The following RUFY4 variants were observed in gnomAD, a reference collection of about 807,000 sequenced individuals.
RUFY4 encodes the protein RUN and FYVE domain-containing protein 4.
Under a neutral mutation model 69.0 loss-of-function variants are expected in RUFY4, and 73 were observed. The observed-to-expected ratio is 1.06, with a 90% CI of 0.88 to 1.29. The LOEUF is 1.29. Ranked by LOEUF, RUFY4 falls within the 50% of genes most tolerant of loss-of-function variation. The pLI is 0.00. For missense variants in RUFY4, 770 were observed against 705.6 expected (o/e 1.09, Z -1.03); for synonymous variants, 287 against 271.8 (o/e 1.06, Z -0.55).
intron 2 of RUFY4, among the ~76,000 whole-genome samples, chr2:218,053,494 C>A (rs930353947): frequency 2.9e-4 from 44 of 151,840 alleles, no homozygotes; most frequent in African/African-American, 9.7e-4. Flanking sequence ...TACAGGCATG[C>A]GCCACCACAC....
chr2:218,089,866 A>G (rs761444263), intron 10 of RUFY4, 86 bp from the exon 13 acceptor site: 2 of 892,420 alleles, frequency 2.2e-6, no homozygotes, highest in Non-Finnish European at 1.8e-6. Flanking sequence ...GGACCTGAAG[A>G]TGCTGGAACT....
intron 8 of RUFY4, among the ~76,000 whole-genome samples, chr2:218,079,507 G>A (rs1041529837): frequency 5.3e-5 from 8 of 152,170 alleles, no homozygotes; most frequent in Non-Finnish European, 7.3e-5. Flanking sequence ...AACACGTTAC[G>A]TTTGAGATAC....
At chr2:218,070,397 C>T (rs1689456484), upstream of RUFY4, 3 of 621,982 alleles carry the variant, frequency 4.8e-6, no homozygotes, top group Non-Finnish European at 8.7e-6. Context: ...CGGTGGAGGC[C>T]ACACCATCAT....
intron 2 of RUFY4, among the ~76,000 whole-genome samples, chr2:218,053,666 C>T (rs531576332): frequency 1.3e-5 from 2 of 152,292 alleles, no homozygotes; most frequent in South Asian, 2.1e-4. Context: ...TCTGCCACCG[C>T]GCCCGGCTAA....
rs571467876 is a variant in RUFY4 at position 218,074,536 on chromosome 2, G to A, written c.601-557G>A. Among the ~76,000 whole-genome samples, 3 of 152,102 alleles carry A rather than the reference G, an allele frequency of 2.0e-5. No individual in the cohort carries two copies. The East Asian group carries it at 5.8e-4, about 29-fold the overall frequency. ...TACTATTAGTTCTCTGGTCCGAAAAGTTCAGGGTCTCTTCATGGAGATATA... is the reference window on the plus strand; with the variant it reads ...TACTATTAGTTCTCTGGTCCGAAAAATTCAGGGTCTCTTCATGGAGATATA... On this transcript the variant is annotated intron_variant, in intron 6 of 10. Coordinates refer to ENST00000344321, the Ensembl canonical transcript of RUFY4.
At chr2:218,071,969 A>C (rs1689498814) in intron 2 of RUFY4, among the ~76,000 whole-genome samples, 1 of 152,186 alleles carries the variant, frequency 6.6e-6, no homozygotes, top group Non-Finnish European at 1.5e-5. Context: ...GGAAAGGATG[A>C]GTAGGTGTCT....
chr2:218,037,070 G>A (rs895627340), intron 2 of RUFY4, among the ~76,000 whole-genome samples: 7 of 152,206 alleles, frequency 4.6e-5, no homozygotes, highest in East Asian at 1.9e-4. Flanking sequence ...TGTAATCCCA[G>A]CACTTTGGGA....
chr2:218,050,416 T>C (rs1389557093), intron 2 of RUFY4, among the ~76,000 whole-genome samples: 1 of 152,094 alleles, frequency 6.6e-6, no homozygotes, highest in Non-Finnish European at 1.5e-5. Context: ...GAAAGAGCTG[T>C]AACCCTCCCT....
chr2:218,073,955 A>C, intron 6 of RUFY4, 70 bp downstream of exon 8: 1 of 1,472,254 alleles, frequency 6.8e-7, no homozygotes. Flanking sequence ...GTTGAGTAGA[A>C]ACTGAGCTTC....
intron 5 of RUFY4, 88 bp from the exon 8 acceptor site, chr2:218,073,728 C>G (rs1559433172): frequency 7.1e-7 from 1 of 1,405,624 alleles, no homozygotes; most frequent in Non-Finnish European, 9.9e-7. Context: ...GATGAATGCG[C>G]TAGTGGAAAG....
chr2:218,075,604 T>C (rs1689610292), exon 7 of RUFY4: 1 of 1,523,918 alleles, frequency 6.6e-7, no homozygotes, highest in Non-Finnish European at 8.8e-7. Context: ...TCTAGCATCC[T>C]GGGGGAGCCC....
At chr2:218,058,687 T>G (rs551863429) in intron 3 of RUFY4, 1 of 152,292 alleles carries the variant, frequency 6.6e-6, no homozygotes, top group Non-Finnish European at 1.5e-5. Flanking sequence ...GGAAGGTCAG[T>G]GCAAGGTGCC....
At chr2:218,052,839 T>C (rs995188752) in intron 2 of RUFY4, among the ~76,000 whole-genome samples, 1 of 54,518 alleles carries the variant, frequency 1.8e-5, no homozygotes, top group South Asian at 1.3e-3. Context: ...AGGTCTAAGG[T>C]TTTTTTTTTC....
intron 2 of RUFY4, among the ~76,000 whole-genome samples, chr2:218,071,214 T>C (rs781362533): frequency 2.0e-5 from 3 of 152,190 alleles, no homozygotes; most frequent in Non-Finnish European, 4.4e-5. Flanking sequence ...TTGCTATGTG[T>C]CAGACTTCAG....
chr2:218,076,376 G>A (rs1689630601), intron 7 of RUFY4, 51 bp from the exon 10 acceptor site: 1 of 1,539,242 alleles, frequency 6.5e-7, no homozygotes, highest in Non-Finnish European at 8.8e-7. Context: ...CCAGCACTGG[G>A]GTCTCTGCCC....
intron 2 of RUFY4, among the ~76,000 whole-genome samples, chr2:218,072,118 A>C (rs1233063746): frequency 6.6e-6 from 1 of 152,188 alleles, no homozygotes; most frequent in African/African-American, 2.4e-5. Context: ...GTATCCCCAG[A>C]CACACAGAGG....
intron 2 of RUFY4, among the ~76,000 whole-genome samples, chr2:218,040,973 A>T (rs760185113): frequency 1.3e-5 from 2 of 151,880 alleles, no homozygotes; most frequent in Non-Finnish European, 2.9e-5. Context: ...CCTTACAACC[A>T]ATCTGAATAG....
At chr2:218,064,929 G>C (rs868057370), upstream of RUFY4, among the ~76,000 whole-genome samples, 21 of 151,996 alleles carry the variant, frequency 1.4e-4, no homozygotes, top group Middle Eastern at 6.8e-3. Flanking sequence ...GGCTTCTCCG[G>C]GTCCCCCTTC....
Position 218,083,698 on chromosome 2 carries a change from A to G in RUFY4, c.1502+442A>G, listed in dbSNP as rs372231043. ...GGGAGGCAGAGGTTGCAGTGAGCCA[A>G]GATCACACCACTGCACTCCAGCCTG... On this transcript the variant is annotated intron_variant, in intron 9 of 10. Coordinates refer to ENST00000344321, the Ensembl canonical transcript of RUFY4. Among the ~76,000 whole-genome samples the G allele has an allele frequency of 1.9e-4, 29 of 152,116 alleles. No homozygotes were observed. The South Asian group carries it at 4.4e-3, about 23-fold the overall frequency.
Sources: allele counts gnomAD v4.1 joint callset (sites outside exome capture counted in the v4.1 genomes callset), GRCh38; gene constraint gnomAD v4.1.1; transcripts MANE v1.5; gene names NCBI Gene and HGNC (gene_info 2026-07-23, HGNC 2026-07-21).